Variants in GRIN2A observed in about 807,000 individuals in gnomAD.
GRIN2A encodes glutamate receptor ionotropic, NMDA 2A.
In GRIN2A, 22 loss-of-function variants were observed where a neutral mutation model predicts 113.4. That is an observed-to-expected ratio of 0.19 (90% confidence interval 0.14 to 0.28). The LOEUF (loss-of-function observed/expected upper bound fraction) is 0.28. Ranked by LOEUF, GRIN2A falls within the 10% of genes least tolerant of loss-of-function variation. The pLI is 1.00. For missense variants in GRIN2A, 1,502 were observed against 1,887.0 expected (o/e 0.80, Z 3.78); for synonymous variants, 827 against 738.4 (o/e 1.12, Z -1.94).
chr16:9,839,784 T>C (rs1422164471), intron 7 of GRIN2A, among the ~76,000 whole-genome samples: 2 of 152,176 alleles, frequency 1.3e-5, no homozygotes, highest in Non-Finnish European at 2.9e-5. Flanking sequence ...TGTGATCATA[T>C]TTTTTTCAGC....
chr16:10,148,904 C>T (rs1440710040), intron 2 of GRIN2A, among the ~76,000 whole-genome samples: 1 of 152,160 alleles, frequency 6.6e-6, no homozygotes. Context: ...GAATAAGATC[C>T]TGTCATTTGG....
intron 3 of GRIN2A, among the ~76,000 whole-genome samples, chr16:9,935,382 G>A (rs953327874): frequency 6.6e-6 from 1 of 152,136 alleles, no homozygotes; most frequent in African/African-American, 2.4e-5. Flanking sequence ...AAGTGGCAGT[G>A]TAGAAACAGG....
At chr16:10,155,341 T>A (rs769134225) in intron 2 of GRIN2A, among the ~76,000 whole-genome samples, 4 of 152,116 alleles carry the variant, frequency 2.6e-5, no homozygotes, top group Non-Finnish European at 4.4e-5. Context: ...TCCTTGTTGG[T>A]CTTTTCATCA....
rs377337296 is a variant in GRIN2A at position 9,763,375 on chromosome 16, G to C, written c.4169C>G (p.Ser1390Trp). Residue 1390 changes from serine (S) to tryptophan (W), a missense_variant, in exon 13 of 13, where the codon TCG becomes TGG. Physicochemically the swap from Ser to Trp is radical, Grantham distance 177. This residue lies in a region of GRIN2A where 832 missense variants were observed against 789.7 expected (regional missense o/e 1.05). Coordinates refer to ENST00000330684, the MANE Select transcript of GRIN2A (RefSeq NM_001134407.3). ...GTCATTCACCGCCTGGGATGGCAAC[G>C]AGTGTTTGTAAGGGTCCGAGGGGCA... is the stretch of plus-strand genomic sequence containing the variant. ...GRCPSDPYKH[S>W]LPSQAVNDSY... 3 of 1,614,180 alleles carry C rather than the reference G, an allele frequency of 1.9e-6. No homozygotes were observed. The highest frequency in any genetic ancestry group is 2.2e-5 in the East Asian group (1 of 44,870).
intron 2 of GRIN2A, among the ~76,000 whole-genome samples, chr16:10,101,516 G>A (rs866488909): frequency 6.6e-6 from 1 of 152,222 alleles, no homozygotes; most frequent in Non-Finnish European, 1.5e-5. Flanking sequence ...AACAGCAGAT[G>A]TTGGGGCTTC....
intron 2 of GRIN2A, among the ~76,000 whole-genome samples, chr16:10,159,844 G>C (rs186959215): frequency 2.7e-4 from 41 of 152,186 alleles, no homozygotes; most frequent in African/African-American, 9.9e-4. Context: ...ACAAACTATC[G>C]TTCTCATTAT....
At chr16:9,816,687 C>T (rs1236737850) in intron 10 of GRIN2A, among the ~76,000 whole-genome samples, 1 of 152,222 alleles carries the variant, frequency 6.6e-6, no homozygotes, top group African/African-American at 2.4e-5. Context: ...CCACTCATTT[C>T]AGCTTCAGCT....
chr16:10,160,930 A>T (rs911078437), intron 2 of GRIN2A, among the ~76,000 whole-genome samples: 1 of 152,190 alleles, frequency 6.6e-6, no homozygotes. Flanking sequence ...CGGGTTTCAA[A>T]GTGCATACCA....
At chr16:10,153,214 T>C (rs946220329) in intron 2 of GRIN2A, among the ~76,000 whole-genome samples, 3 of 152,100 alleles carry the variant, frequency 2.0e-5, no homozygotes, top group Non-Finnish European at 4.4e-5. Flanking sequence ...GCAGGGGGTA[T>C]TTGGGATATC....
chr16:9,812,563 C>T (rs1317663358), intron 10 of GRIN2A, among the ~76,000 whole-genome samples: 3 of 151,878 alleles, frequency 2.0e-5, no homozygotes, highest in Admixed American at 6.6e-5. Context: ...ACTCAAACCT[C>T]GGAGATGGAG....
chr16:9,900,735 G>C (rs956203224), intron 3 of GRIN2A, among the ~76,000 whole-genome samples: 4 of 152,154 alleles, frequency 2.6e-5, no homozygotes, highest in African/African-American at 9.7e-5. Flanking sequence ...GAAATGCTGG[G>C]TAGTATTTAT....
rs529799393 is a variant in GRIN2A at position 10,018,237 on chromosome 16, C to A, written c.415-79686G>T. On this transcript the variant is annotated intron_variant, in intron 2 of 12. Transcript: ENST00000330684. Reference sequence around the variant, plus strand: ...CACGTGGGCCATTTCAAATAGAAAACCATAAGACTGTATGTGAAAAAGGAC... The same window carrying A: ...CACGTGGGCCATTTCAAATAGAAAAACATAAGACTGTATGTGAAAAAGGAC... Among the ~76,000 whole-genome samples, 5 of 152,230 alleles carry A rather than the reference C, an allele frequency of 3.3e-5. No individual in the cohort carries two copies. In the South Asian group the frequency reaches 1.0e-3, roughly 32 times the overall value.
At chr16:10,003,208 T>C (rs546868085) in intron 2 of GRIN2A, among the ~76,000 whole-genome samples, 1 of 152,174 alleles carries the variant, frequency 6.6e-6, no homozygotes, top group Non-Finnish European at 1.5e-5. Flanking sequence ...AGTGGCCCTG[T>C]CCAGATGAAG....
At chr16:10,143,704 C>T (rs1596549374) in intron 2 of GRIN2A, among the ~76,000 whole-genome samples, 2 of 152,214 alleles carry the variant, frequency 1.3e-5, no homozygotes, top group Non-Finnish European at 2.9e-5. Context: ...ATGGCTCATG[C>T]CTTTAATCTC....
intron 2 of GRIN2A, among the ~76,000 whole-genome samples, chr16:10,024,869 G>A (rs150672333): frequency 7.5e-4 from 114 of 152,308 alleles, no homozygotes; most frequent in African/African-American, 2.6e-3. Context: ...TATTTGGTTG[G>A]CTGGCTGCTC....
chr16:9,985,726 T>TGGGG (rs2045967509), intron 2 of GRIN2A, among the ~76,000 whole-genome samples: 2 of 151,846 alleles, frequency 1.3e-5, no homozygotes, highest in African/African-American at 4.8e-5. Flanking sequence ...TGGTATGAGG[T>TGGGG]AGTGATGGTT....
intron 4 of GRIN2A, among the ~76,000 whole-genome samples, chr16:9,850,714 T>C (rs560570761): frequency 9.7e-4 from 148 of 152,288 alleles, no homozygotes; most frequent in African/African-American, 3.3e-3. Flanking sequence ...TGAACTTTTA[T>C]TAATCCTGCA....
chr16:9,987,950 G>A (rs2046011230), intron 2 of GRIN2A, among the ~76,000 whole-genome samples: 1 of 152,192 alleles, frequency 6.6e-6, no homozygotes, highest in Non-Finnish European at 1.5e-5. Flanking sequence ...ACTTGGACGT[G>A]TCTAGCATCA....
chr16:10,002,556 C>T (rs907005981), intron 2 of GRIN2A, among the ~76,000 whole-genome samples: 2 of 152,094 alleles, frequency 1.3e-5, no homozygotes, highest in Non-Finnish European at 2.9e-5. Context: ...GCCTGGAACT[C>T]CATGAGAGAA....
Sources: allele counts gnomAD v4.1 joint callset (sites outside exome capture counted in the v4.1 genomes callset), GRCh38; gene constraint gnomAD v4.1.1; regional missense constraint gnomAD v4.1.1; transcripts MANE v1.5; gene names NCBI Gene and HGNC (gene_info 2026-07-23, HGNC 2026-07-21).